The following PDS5A variants were observed in gnomAD, a reference collection of about 807,000 sequenced individuals.
The protein encoded by PDS5A is PDS5 cohesin associated factor A.
PDS5A carries 42 observed loss-of-function variants against 167.1 expected under a neutral mutation model. That is an observed-to-expected ratio of 0.25 (90% CI 0.20 to 0.33). PDS5A has a LOEUF of 0.33. Ranked by LOEUF, PDS5A falls within the 10% of genes least tolerant of loss-of-function variation. The pLI is 1.00. For synonymous variants in PDS5A, 553 were observed against 554.6 expected (o/e 1.00, Z 0.04); for missense variants, 1,033 against 1,605.9 (o/e 0.64, Z 6.10).
chr4:39,849,455 A>AC (rs1553889484), intron 27 of PDS5A, 65 bp downstream of exon 27: 19 of 1,162,806 alleles, frequency 1.6e-5, no homozygotes, highest in East Asian at 9.6e-5. Flanking sequence ...AAAAAAAAAA[A>AC]ACCAAGTGGG....
intron 2 of PDS5A, among the ~76,000 whole-genome samples, chr4:39,953,123 C>T (rs114950524): frequency 1.1e-3 from 166 of 152,282 alleles, no homozygotes; most frequent in Non-Finnish European, 1.8e-3. Context: ...ATCCTTAAAA[C>T]GCTTGGTCAG....
chr4:39,890,332 C>T lies in PDS5A; in HGVS notation c.1803G>A (p.Lys601=), dbSNP rs1721852596. 6.3e-7 allele frequency: 1 copy of T among 1,583,992 alleles called. No individual in the cohort carries two copies. The highest frequency in any genetic ancestry group is 8.6e-7 in the Non-Finnish European group (1 of 1,163,174). The change falls in exon 17 of 33, where the codon AAG becomes AAA. Residue 601 remains lysine, a synonymous_variant. Coordinates refer to ENST00000303538, the MANE Select transcript of PDS5A (RefSeq NM_001100399.2). ...TCTCTAGAAAAGGATTTGTTGGTTG[C>T]TTAGGATTTGCAAGTTTCCGGGCTA... ...REIARKLANP[K]QPTNPFLEMV...
chr4:39,899,619 G>A (rs1202267038), intron 14 of PDS5A, among the ~76,000 whole-genome samples: 3 of 152,062 alleles, frequency 2.0e-5, no homozygotes, highest in Non-Finnish European at 1.5e-5. Flanking sequence ...GGCCTAGGCA[G>A]GCAGACTGCA....
At chr4:39,854,890 G>A (rs1718412987) in intron 26 of PDS5A, among the ~76,000 whole-genome samples, 1 of 152,160 alleles carries the variant, frequency 6.6e-6, no homozygotes, top group South Asian at 2.1e-4. Context: ...CTTTTAGGGG[G>A]TATAATTACG....
chr4:39,951,447 AG>A (rs2109787658), intron 2 of PDS5A, among the ~76,000 whole-genome samples: 1 of 152,346 alleles, frequency 6.6e-6, no homozygotes, highest in Non-Finnish European at 1.5e-5. Flanking sequence ...AGCAATTGTA[AG>A]GAAACTACTG....
At chr4:39,888,023 G>C (rs916631632) in intron 17 of PDS5A, among the ~76,000 whole-genome samples, 2 of 152,006 alleles carry the variant, frequency 1.3e-5, no homozygotes, top group African/African-American at 4.8e-5. Flanking sequence ...AGGCTGAGGC[G>C]GGCAGATCAC....
At chr4:39,972,987 G>C in intron 2 of PDS5A, 1 of 369,864 alleles carries the variant, frequency 2.7e-6, no homozygotes, top group Non-Finnish European at 5.1e-6. Context: ...GCATTTGCTC[G>C]GTACATAATG....
At position 39,890,624 on chromosome 4, in the gene PDS5A, CT is replaced by C. The variant is rs547216501; in HGVS notation, c.1771-261del. On this transcript the variant is annotated intron_variant, in intron 16 of 32. Coordinates refer to ENST00000303538, the MANE Select transcript of PDS5A (RefSeq NM_001100399.2). Reference sequence around the variant, plus strand: ...ATGAAATTATTGGTTGATATAGCAACTTTTTTTTTTTTGAGACGAGTCTAAC... The same window carrying C: ...ATGAAATTATTGGTTGATATAGCAACTTTTTTTTTTTGAGACGAGTCTAAC... 5.5e-4 allele frequency among the ~76,000 whole-genome samples: 81 copies of C among 146,810 alleles called. 1 individual carries two copies. The highest frequency in any genetic ancestry group is 2.2e-3 in the East Asian group (11 of 5,078).
At position 39,838,086 on chromosome 4, in the gene PDS5A, C is replaced by T. The variant is rs781080179; in HGVS notation, c.3780G>A (p.Ser1260=). Residue 1260 remains serine, a synonymous_variant, in exon 32 of 33, where the codon TCG becomes TCA. Coordinates refer to ENST00000303538, the MANE Select transcript of PDS5A (RefSeq NM_001100399.2). Reference sequence around the variant, plus strand: ...TGGGTTTGGAAGGGGCGGGAGGTCCCGATTCATCTACTTTCTCATCTGTTT... The same window carrying T: ...TGGGTTTGGAAGGGGCGGGAGGTCCTGATTCATCTACTTTCTCATCTGTTT... The part of the protein sequence containing the change: ...QQKTDEKVDE[S]GPPAPSKPRR... 50 of 1,613,764 alleles carry T rather than the reference C, an allele frequency of 3.1e-5. No individual in the cohort carries two copies. The highest frequency in any genetic ancestry group is 1.6e-4 in the Middle Eastern group (1 of 6,084).
At position 39,844,815 on chromosome 4, in the gene PDS5A, C is replaced by T. The variant is rs1560421510; in HGVS notation, c.3403-14G>A. ...AGCAGGCTTTGGCTAAAAACAAAAA[C>T]AAAAAACCCCCCAAAAACACACACG... On this transcript the variant is annotated splice_polypyrimidine_tract_variant and intron_variant, in intron 29 of 32. Coordinates refer to ENST00000303538, the MANE Select transcript of PDS5A (RefSeq NM_001100399.2). 1 of 1,587,470 alleles carries T rather than the reference C, an allele frequency of 6.3e-7. No individual in the cohort carries two copies. Among genetic ancestry groups the T allele is most frequent in the South Asian group, 1.2e-5 (1 of 86,138 alleles).
intron 2 of PDS5A, among the ~76,000 whole-genome samples, chr4:39,964,234 T>C (rs1347583706): frequency 1.3e-5 from 2 of 152,074 alleles, no homozygotes; most frequent in Non-Finnish European, 2.9e-5. Context: ...AAATCCAGGT[T>C]TTGCCTGTAG....
At chr4:39,904,278 C>G in intron 11 of PDS5A, 87 bp from the exon 12 acceptor site, 3 of 812,712 alleles carry the variant, frequency 3.7e-6, no homozygotes. Context: ...TTAGGTTGTA[C>G]AGTCTTATGT....
chr4:39,919,351 T>C (rs1373620102), intron 7 of PDS5A, among the ~76,000 whole-genome samples: 1 of 152,082 alleles, frequency 6.6e-6, no homozygotes, highest in Admixed American at 6.6e-5. Flanking sequence ...ACGATAAAAA[T>C]TTTACATAAA....
intron 14 of PDS5A, among the ~76,000 whole-genome samples, chr4:39,899,851 T>TAAA (rs532738160): frequency 5.9e-5 from 6 of 102,402 alleles, no homozygotes; most frequent in African/African-American, 2.8e-4. Context: ...TCCTGTGTAT[T>TAAA]AAAAAAAAAA....
At position 39,962,746 on chromosome 4, in the gene PDS5A, G is replaced by C. The variant is rs547420674; in HGVS notation, c.138+13694C>G. 3.2e-4 allele frequency among the ~76,000 whole-genome samples: 49 copies of C among 152,198 alleles called. No individual in the cohort carries two copies. The South Asian group carries it at 3.5e-3, about 11-fold the overall frequency. ...TTGAACCCAGGAGGCGGAGGTTGCAGTGAACACACCACTGCACTCCAGCCT... is the reference window on the plus strand; with the variant it reads ...TTGAACCCAGGAGGCGGAGGTTGCACTGAACACACCACTGCACTCCAGCCT... On this transcript the variant is annotated intron_variant, in intron 2 of 32. Transcript: ENST00000303538.
intron 21 of PDS5A, chr4:39,872,766 C>T (rs1025846640): frequency 2.4e-5 from 8 of 328,598 alleles, no homozygotes; most frequent in East Asian, 9.6e-5. Flanking sequence ...TCACCAATCC[C>T]GTGTTCTAAT....
chr4:39,851,937 G>A (rs929897257), intron 26 of PDS5A, among the ~76,000 whole-genome samples: 3 of 152,150 alleles, frequency 2.0e-5, no homozygotes, highest in Non-Finnish European at 4.4e-5. Context: ...AGGTGAGGAA[G>A]CATTCCTATG....
At chr4:39,940,801 T>C (rs189713828) in intron 2 of PDS5A, among the ~76,000 whole-genome samples, 97 of 152,358 alleles carry the variant, frequency 6.4e-4, no homozygotes, top group African/African-American at 2.1e-3. Flanking sequence ...TACAGGCATG[T>C]GCCACTATGC....
chr4:39,901,760 T>C (rs1175451669), intron 13 of PDS5A, among the ~76,000 whole-genome samples: 1 of 152,158 alleles, frequency 6.6e-6, no homozygotes, highest in African/African-American at 2.4e-5. Context: ...ACATCACTCA[T>C]TTACTTTGTG....
Sources: gnomAD v4.1 joint callset for allele counts (sites outside exome capture counted in the v4.1 genomes callset) on GRCh38, gnomAD v4.1.1 for gene constraint, MANE v1.5 for transcripts, NCBI Gene and HGNC (gene_info 2026-07-23, HGNC 2026-07-21) for gene names.